The following RALYL variants were observed in gnomAD, a reference collection of about 807,000 sequenced individuals.
The protein encoded by RALYL is RNA-binding Raly-like protein.
Under a neutral mutation model 35.1 loss-of-function variants are expected in RALYL, and 29 were observed. The observed-to-expected ratio is 0.83, with a 90% CI of 0.61 to 1.13. The LOEUF is 1.13. Among genes scored for constraint, RALYL ranks in the 50% most tolerant of loss-of-function variants. The probability of loss-of-function intolerance (pLI) is 0.00; values close to 1 mark genes in which losing one functional copy is unlikely to be tolerated. For synonymous variants in RALYL, 120 were observed against 127.6 expected (o/e 0.94, Z 0.40); for missense variants, 359 against 360.4 (o/e 1.00, Z 0.03).
intron 2 of RALYL, among the ~76,000 whole-genome samples, chr8:84,641,209 T>C (rs565791528): frequency 1.3e-5 from 2 of 151,710 alleles, no homozygotes; most frequent in African/African-American, 4.8e-5. Flanking sequence ...TGGTTTATTT[T>C]TACCTTTTTT....
chr8:84,868,019 A>G (rs554221352), intron 6 of RALYL, among the ~76,000 whole-genome samples: 7 of 152,232 alleles, frequency 4.6e-5, no homozygotes, highest in African/African-American at 1.7e-4. Context: ...TATATGCATA[A>G]TAATAAATTA....
At chr8:84,745,259 C>CT (rs1410929949) in intron 2 of RALYL, among the ~76,000 whole-genome samples, 9 of 151,972 alleles carry the variant, frequency 5.9e-5, no homozygotes, top group Admixed American at 5.3e-4. Context: ...ATCAAGTCTT[C>CT]TTCAAGACGA....
intron 1 of RALYL, among the ~76,000 whole-genome samples, chr8:84,493,355 C>T (rs766723962): frequency 7.9e-5 from 12 of 151,832 alleles, no homozygotes; most frequent in East Asian, 3.9e-4. Flanking sequence ...TTTGCTATTG[C>T]GAATATTGCT....
intron 1 of RALYL, among the ~76,000 whole-genome samples, chr8:84,489,154 T>C (rs1158735360): frequency 6.6e-6 from 1 of 152,064 alleles, no homozygotes; most frequent in Non-Finnish European, 1.5e-5. Context: ...AAAGGAATGT[T>C]TCATCTCTAT....
At chr8:84,194,761 A>G (rs1397265383) in intron 1 of RALYL, among the ~76,000 whole-genome samples, 1 of 152,166 alleles carries the variant, frequency 6.6e-6, no homozygotes, top group African/African-American at 2.4e-5. Context: ...GCTTAGTCAG[A>G]TAGAGCCTCA....
intron 2 of RALYL, among the ~76,000 whole-genome samples, chr8:84,724,306 G>A (rs766478878): frequency 1.3e-5 from 2 of 151,764 alleles, no homozygotes; most frequent in East Asian, 3.9e-4. Context: ...ACTTTACATT[G>A]TCTCTCTTTC....
chr8:84,578,306 A>G (rs184513839), intron 2 of RALYL, among the ~76,000 whole-genome samples: 59 of 152,346 alleles, frequency 3.9e-4, no homozygotes, highest in African/African-American at 1.3e-3. Context: ...AGTGGTGCCC[A>G]GAAGCTTAGA....
intron 1 of RALYL, among the ~76,000 whole-genome samples, chr8:84,250,441 C>T (rs1829962982): frequency 6.6e-6 from 1 of 151,982 alleles, no homozygotes; most frequent in Admixed American, 6.6e-5. Flanking sequence ...TCTCAGCTCA[C>T]TGCAACCTCT....
chr8:84,463,590 C>G (rs1055394265), intron 1 of RALYL, among the ~76,000 whole-genome samples: 3 of 152,058 alleles, frequency 2.0e-5, no homozygotes, highest in Admixed American at 6.6e-5. Flanking sequence ...TAGCGTGTGT[C>G]TGATACATAT....
At chr8:84,744,875 TATA>T (rs762851047) in intron 2 of RALYL, among the ~76,000 whole-genome samples, 75 of 152,124 alleles carry the variant, frequency 4.9e-4, no homozygotes, top group Middle Eastern at 3.4e-3. Flanking sequence ...GGAGTTTTGC[TATA>T]ATATTTGTTT....
chr8:84,190,599 C>T (rs1813617629), intron 1 of RALYL, among the ~76,000 whole-genome samples: 3 of 152,120 alleles, frequency 2.0e-5, no homozygotes, highest in Admixed American at 1.3e-4. Context: ...ATCTGGATAT[C>T]TTGAAAACAG....
At chr8:84,798,205 A>G (rs1051430070) in intron 3 of RALYL, among the ~76,000 whole-genome samples, 3 of 152,120 alleles carry the variant, frequency 2.0e-5, no homozygotes, top group African/African-American at 7.2e-5. Flanking sequence ...CTTTGAGCCC[A>G]CATTTCCATC....
At chr8:84,663,380 C>T (rs1385250287) in intron 2 of RALYL, among the ~76,000 whole-genome samples, 1 of 152,072 alleles carries the variant, frequency 6.6e-6, no homozygotes, top group Non-Finnish European at 1.5e-5. Flanking sequence ...AATGCTGCCT[C>T]TAGGTCTTTG....
At chr8:84,875,126 C>CTTTCT (rs764526186) in intron 7 of RALYL, among the ~76,000 whole-genome samples, 173 of 152,210 alleles carry the variant, frequency 1.1e-3, no homozygotes, top group East Asian at 1.4e-3. Flanking sequence ...AAGTTTTTAA[C>CTTTCT]ATGCTGTCTA....
At chr8:84,681,956 G>T (rs917588293) in intron 2 of RALYL, among the ~76,000 whole-genome samples, 1 of 152,282 alleles carries the variant, frequency 6.6e-6, no homozygotes, top group South Asian at 2.1e-4. Context: ...TGCCCATTCA[G>T]TATGATATTG....
intron 1 of RALYL, among the ~76,000 whole-genome samples, chr8:84,466,750 T>A (rs2051728394): frequency 6.7e-6 from 1 of 148,306 alleles, no homozygotes; most frequent in Non-Finnish European, 1.5e-5. Flanking sequence ...CTGGTAGAAT[T>A]CGGCTGTGAA....
chr8:84,367,476 C>T (rs948419893), intron 1 of RALYL, among the ~76,000 whole-genome samples: 11 of 150,610 alleles, frequency 7.3e-5, no homozygotes, highest in Non-Finnish European at 1.5e-4. Context: ...CAGGCATGAG[C>T]CACTAGCGCA....
chr8:84,547,188 T>C (rs1588112859), intron 2 of RALYL, among the ~76,000 whole-genome samples: 1 of 151,934 alleles, frequency 6.6e-6, no homozygotes, highest in African/African-American at 2.4e-5. Context: ...AGCTCCCACT[T>C]ATTTTTAAAC....
intron 2 of RALYL, among the ~76,000 whole-genome samples, chr8:84,585,680 T>C (rs1332326223): frequency 1.3e-5 from 2 of 152,198 alleles, no homozygotes; most frequent in Admixed American, 1.3e-4. Flanking sequence ...ATTGACATTG[T>C]AGTTAATCCC....
Sources: gnomAD v4.1 joint callset for allele counts (sites outside exome capture counted in the v4.1 genomes callset) on GRCh38, gnomAD v4.1.1 for gene constraint, MANE v1.5 for transcripts, NCBI Gene and HGNC (gene_info 2026-07-23, HGNC 2026-07-21) for gene names.